The following WDR47 variants were observed in gnomAD, a reference collection of about 807,000 sequenced individuals.
WDR47 encodes WD repeat-containing protein 47.
A neutral mutation model predicts 97.2 loss-of-function variants in WDR47; 32 were observed. The ratio of observed to expected loss-of-function variants is 0.33; its 90% CI spans 0.25 to 0.44. WDR47 has a LOEUF of 0.44. Among genes scored for constraint, WDR47 ranks in the 20% least tolerant of loss-of-function variants. The pLI is 1.00. For synonymous variants in WDR47, 375 were observed against 373.5 expected (o/e 1.00, Z -0.05); for missense variants, 782 against 1,102.3 (o/e 0.71, Z 4.11).
At chr1:109,025,755 CAAAT>C (rs1021737311) in intron 1 of WDR47, among the ~76,000 whole-genome samples, 5 of 151,648 alleles carry the variant, frequency 3.3e-5, no homozygotes, top group African/African-American at 9.7e-5. Context: ...AAAAAACTAA[CAAAT>C]AAAAAAAAGT....
At chr1:109,010,873 C>T (rs773840945) in intron 5 of WDR47, 43 bp downstream of exon 5, 1 of 1,560,976 alleles carries the variant, frequency 6.4e-7, no homozygotes, top group Non-Finnish European at 8.7e-7. Context: ...TAAGCCACTG[C>T]ACCCGGCCTA....
chr1:108,998,927 A>G (rs1282289098), intron 7 of WDR47, among the ~76,000 whole-genome samples: 1 of 152,142 alleles, frequency 6.6e-6, no homozygotes, highest in Non-Finnish European at 1.5e-5. Context: ...TAGAGTCTAG[A>G]AAAAATAATT....
intron 10 of WDR47, 76 bp from the exon 11 acceptor site, chr1:108,983,527 T>G: frequency 8.0e-7 from 1 of 1,246,860 alleles, no homozygotes; most frequent in East Asian, 2.8e-5. Flanking sequence ...ATATTATACT[T>G]GTTCTTGAAG....
intron 8 of WDR47, among the ~76,000 whole-genome samples, chr1:108,993,682 T>G (rs1403318983): frequency 6.6e-6 from 1 of 152,016 alleles, no homozygotes; most frequent in East Asian, 1.9e-4. Context: ...AAATATAAAG[T>G]GAAGCAGGAG....
intron 1 of WDR47, among the ~76,000 whole-genome samples, chr1:109,033,165 G>A (rs1662716428): frequency 6.6e-6 from 1 of 151,910 alleles, no homozygotes; most frequent in Non-Finnish European, 1.5e-5. Flanking sequence ...ACAGTGGCAG[G>A]CACCTGTAAT....
intron 2 of WDR47, among the ~76,000 whole-genome samples, chr1:109,018,222 G>A (rs1008508110): frequency 3.3e-5 from 5 of 151,720 alleles, no homozygotes; most frequent in Non-Finnish European, 7.4e-5. Context: ...GCCAAGGTGG[G>A]CAGATCACCT....
chr1:108,992,519 C>A, intron 8 of WDR47: 17 of 1,513,134 alleles, frequency 1.1e-5, no homozygotes, highest in Non-Finnish European at 1.6e-5. Flanking sequence ...GGGCTGGACA[C>A]AAGGTCGGTG....
intron 3 of WDR47, among the ~76,000 whole-genome samples, chr1:109,015,356 C>T (rs1048701389): frequency 6.6e-6 from 1 of 152,130 alleles, no homozygotes; most frequent in African/African-American, 2.4e-5. Context: ...CAGAGTCCTG[C>T]TCTGTCGCCC....
chr1:108,979,403 A>G (rs1658171282), intron 13 of WDR47, among the ~76,000 whole-genome samples: 1 of 152,166 alleles, frequency 6.6e-6, no homozygotes, highest in Non-Finnish European at 1.5e-5. Context: ...GTGTGTGCCT[A>G]TGGTCCCAGC....
At chr1:108,992,789 A>C in intron 8 of WDR47, 1 of 1,597,340 alleles carries the variant, frequency 6.3e-7, no homozygotes. Context: ...GAAGAAAAGG[A>C]TATCCCAGAA....
Position 108,971,592 on chromosome 1 carries a change from T to G in WDR47, c.2618-20A>C. On this transcript the variant is annotated intron_variant, in intron 14 of 14. Transcript: ENST00000369962. ...GGTCCCCTAAATTACAAAAGAGATG[T>G]TGATTTACAATGCAAAATAAGTATA... The G allele has an allele frequency of 6.2e-7, 1 of 1,613,980 alleles. No homozygotes were observed.
intron 1 of WDR47, among the ~76,000 whole-genome samples, chr1:109,028,543 C>G (rs1194988157): frequency 6.7e-6 from 1 of 149,314 alleles, no homozygotes; most frequent in African/African-American, 2.5e-5. Context: ...TTTTCAAAAA[C>G]TTACTGAAAA....
intron 1 of WDR47, among the ~76,000 whole-genome samples, chr1:109,039,981 A>G (rs1663232822): frequency 6.8e-6 from 1 of 147,244 alleles, no homozygotes; most frequent in African/African-American, 2.5e-5. Flanking sequence ...GGCTGCAGTG[A>G]GCCGAGATCA....
At chr1:109,026,536 C>T (rs752063126) in intron 1 of WDR47, among the ~76,000 whole-genome samples, 1 of 152,082 alleles carries the variant, frequency 6.6e-6, no homozygotes, top group African/African-American at 2.4e-5. Flanking sequence ...GCAGTGTGCC[C>T]AGAGTAGCCC....
At chr1:109,003,028 G>GC (rs1660331588) in intron 6 of WDR47, among the ~76,000 whole-genome samples, 1 of 152,194 alleles carries the variant, frequency 6.6e-6, no homozygotes, top group Admixed American at 6.6e-5. Flanking sequence ...AAAGACACCT[G>GC]CAAGTGTATG....
chr1:109,030,115 A>C (rs1662517944), intron 1 of WDR47: 1 of 1,111,340 alleles, frequency 9.0e-7, no homozygotes. Flanking sequence ...GAAGAGAAGA[A>C]GAAACACAAG....
chr1:108,991,515 G>A (rs887228364), intron 8 of WDR47, among the ~76,000 whole-genome samples, 186 bp from the exon 9 acceptor site: 1 of 152,146 alleles, frequency 6.6e-6, no homozygotes, highest in African/African-American at 2.4e-5. Context: ...TTGTAAGGAG[G>A]AGATGAAAAG....
intron 4 of WDR47, among the ~76,000 whole-genome samples, chr1:109,011,988 C>T (rs554421856): frequency 4.6e-5 from 7 of 152,090 alleles, no homozygotes; most frequent in East Asian, 3.8e-4. Flanking sequence ...CTGCTGCCCA[C>T]GCTGGAGTGC....
At chr1:109,036,436 G>A (rs1170866898) in intron 1 of WDR47, among the ~76,000 whole-genome samples, 1 of 150,786 alleles carries the variant, frequency 6.6e-6, no homozygotes, top group Non-Finnish European at 1.5e-5. Context: ...GCCGGGCTTG[G>A]TAGCGTGCGC....
Sources: allele counts gnomAD v4.1 joint callset (sites outside exome capture counted in the v4.1 genomes callset), GRCh38; gene constraint gnomAD v4.1.1; transcripts MANE v1.5; gene names NCBI Gene and HGNC (gene_info 2026-07-23, HGNC 2026-07-21).